Variants in LYPD4 observed in about 807,000 individuals in gnomAD.
LYPD4 encodes the protein ly6/PLAUR domain-containing protein 4.
LYPD4 carries 20 observed loss-of-function variants against 18.2 expected under a neutral mutation model. The ratio of observed to expected loss-of-function variants is 1.10; its 90% CI spans 0.77 to 1.59. LYPD4 has a LOEUF of 1.59. Among genes scored for constraint, LYPD4 ranks in the 40% most tolerant of loss-of-function variants. The pLI, the probability that LYPD4 is intolerant of heterozygous loss-of-function variation, is 0.00. For missense variants in LYPD4, 278 were observed against 300.3 expected, an observed-to-expected ratio of 0.93 and a Z score of 0.55; for synonymous variants, 111 against 118.3, an observed-to-expected ratio of 0.94 and a Z score of 0.40.
chr19:41,841,472 C>T (rs2073588284), intron 1 of LYPD4, among the ~76,000 whole-genome samples: 1 of 151,860 alleles, frequency 6.6e-6, no homozygotes, highest in Admixed American at 6.6e-5. Context: ...TCGCGACCAG[C>T]CTGGCCAACA....
At chr19:41,836,879 A>G (rs2073383174), downstream of LYPD4, among the ~76,000 whole-genome samples, 1 of 152,114 alleles carries the variant, frequency 6.6e-6, no homozygotes, top group South Asian at 2.1e-4. Flanking sequence ...CCTGATTAGT[A>G]GCTGAACCCA....
Position 41,838,074 on chromosome 19 carries a change from CTT to C in LYPD4, c.397_398del (p.Lys133ValfsTer8), listed in dbSNP as rs1555831223. On this transcript the variant is annotated frameshift_variant, in exon 4 of 5. Transcript: ENST00000609812. LOFTEE classifies it high-confidence loss of function. ...AGCTACAGGACGCAGATGTGATAGA[CTT>C]AGGAGTGCTGGCCTTGAGTTTCACA... Reference protein sequence around the residue: ...PFVKLKASTPKSITSASCSCP... With the variant: ...PFVKLKASTPXSITSASCSCP... 3 of 1,614,000 alleles carry C rather than the reference CTT, an allele frequency of 1.9e-6. No homozygotes were observed. In the African/African-American group the frequency reaches 4.0e-5, roughly 22 times the overall value.
intron 1 of LYPD4, among the ~76,000 whole-genome samples, chr19:41,842,764 CA>C (rs782233081): frequency 0.01 from 501 of 49,612 alleles, no homozygotes; most frequent in African/African-American, 0.039. Context: ...TCCGTCTAAA[CA>C]AAAAAAAAAA....
intron 1 of LYPD4, 176 bp from the exon 2 acceptor site, chr19:41,839,581 G>A (rs372288679): frequency 2.2e-6 from 1 of 444,982 alleles, no homozygotes; most frequent in African/African-American, 2.0e-5. Flanking sequence ...ATTGGACAAG[G>A]TGCTGAGCAG....
At chr19:41,838,758 C>CATAT (rs782157119) in intron 3 of LYPD4, 123 bp downstream of exon 3, 10 of 438,334 alleles carry the variant, frequency 2.3e-5, no homozygotes, top group African/African-American at 1.3e-4. Context: ...AATATATATA[C>CATAT]ATATATATAT....
chr19:41,838,158 G>T lies in LYPD4; in HGVS notation c.315C>A (p.Ser105=). 1.2e-6 allele frequency: 2 copies of T among 1,611,704 alleles called. No homozygotes were observed. The highest frequency in any genetic ancestry group is 1.7e-6 in the Non-Finnish European group (2 of 1,178,190). Residue 105 remains serine (S), a synonymous_variant, in exon 4 of 5, where the codon TCC becomes TCA. Coordinates refer to ENST00000609812, the MANE Select transcript of LYPD4 (RefSeq NM_173506.7). ...GATAAGACCGGCAGACGCGACTGTA[G>T]GAGGCAATGGACACTCCGGGTGGGG... ...LVSPPGVSIA[S]YSRVCRSYLC... is the part of the protein sequence containing the mutation.
chr19:41,837,181 C>T lies in LYPD4; in HGVS notation c.703G>A (p.Gly235Ser), dbSNP rs963682955. 2 of 1,613,812 alleles carry T rather than the reference C, an allele frequency of 1.2e-6. No homozygotes were observed. Among genetic ancestry groups the T allele is most frequent in the South Asian group, 1.1e-5 (1 of 91,082 alleles). ...GCAAACAGGAGGCCTAAGACGACAC[C>T]CCAAGCAGGATCTTGCCTGGAGGAT... ...AASSRQDPAW[G>S]VVLGLLFAFR... Residue 235 changes from glycine (G) to serine (S), a missense_variant, in exon 5 of 5, where the codon GGT (glycine) becomes AGT (serine). Physicochemically the swap from Gly to Ser is moderately conservative, Grantham distance 56. Transcript: ENST00000609812.
Position 41,837,283 on chromosome 19 carries a change from C to G in LYPD4, c.601G>C (p.Asp201His). The change falls in exon 5 of 5, where the codon GAT becomes CAT. Residue 201 changes from aspartate (D) to histidine (H), a missense_variant. Asp to His is a moderately conservative substitution (Grantham distance 81, BLOSUM62 -1). Coordinates refer to ENST00000609812, the MANE Select transcript of LYPD4 (RefSeq NM_173506.7). ...CAREHNQLLA[D>H]FHHIGSIKVT... The stretch of plus-strand genomic sequence containing the variant: ...TTGATGCTCCCAATATGATGAAAAT[C>G]TGCTAAAAGCTGGTTATGTTCACGA... 1 of 1,614,034 alleles carries G rather than the reference C, an allele frequency of 6.2e-7. No homozygotes were observed. Among genetic ancestry groups the G allele is most frequent in the South Asian group, 1.1e-5 (1 of 91,084 alleles).
At position 41,838,202 on chromosome 19, in the gene LYPD4, GCGCAGGGTAAGA is replaced by G; in HGVS notation, c.259_270del (p.Ser87_Ala90del). Reference sequence around the variant, plus strand: ...GGTGGGGAAACAAGGTAGGAGATTTGCGCAGGGTAAGACGAAGACGAGCTGCAGCCTTTAAAG... The same window carrying G: ...GGTGGGGAAACAAGGTAGGAGATTTGCGAAGACGAGCTGCAGCCTTTAAAG... On this transcript the variant is annotated inframe_deletion, in exon 4 of 5. Transcript: ENST00000609812. 6.3e-7 allele frequency: 1 copy of G among 1,584,888 alleles called. No individual in the cohort carries two copies. Among genetic ancestry groups the G allele is most frequent in the Non-Finnish European group, 8.6e-7 (1 of 1,163,930 alleles).
chr19:41,838,868 T>TA lies in LYPD4; in HGVS notation c.211+12dup, dbSNP rs782311545. The TA allele has an allele frequency of 1.2e-6, 2 of 1,613,360 alleles. No homozygotes were observed. Among genetic ancestry groups the TA allele is most frequent in the African/African-American group, 1.3e-5 (1 of 74,818 alleles). The stretch of plus-strand genomic sequence containing the variant: ...CAAGCAAAACGAAATTGATCAAACT[T>TA]AGACTGCTTCACCTGTCTCAATGAA... On this transcript the variant is annotated intron_variant, in intron 3 of 4. Transcript: ENST00000609812.
rs782583817 is a variant in LYPD4 at position 41,837,957 on chromosome 19, A to T, written c.516T>A (p.Ser172Arg). 6.2e-7 allele frequency: 1 copy of T among 1,610,134 alleles called. No individual in the cohort carries two copies. The highest frequency in any genetic ancestry group is 8.5e-7 in the Non-Finnish European group (1 of 1,177,246). Reference sequence around the variant, plus strand: ...CACCTGCCTGAAATTTTAAGGTGGAACTGTAACACGTAGAAGCAGCCAAGG... The same window carrying T: ...CACCTGCCTGAAATTTTAAGGTGGATCTGTAACACGTAGAAGCAGCCAAGG... ...SCPLAASTCY[S>R]STLKFQAGFL... Residue 172 changes from serine to arginine, a missense_variant, in exon 4 of 5, where the codon AGT becomes AGA. Ser to Arg is a moderately radical substitution (Grantham distance 110). Transcript: ENST00000609812.
chr19:41,837,124 G>T lies in LYPD4; in HGVS notation c.*19C>A, dbSNP rs377202934. On this transcript the variant is annotated 3_prime_UTR_variant, in exon 5 of 5. Coordinates refer to ENST00000609812, the MANE Select transcript of LYPD4 (RefSeq NM_173506.7). Reference sequence around the variant, plus strand: ...GTTATGTGAAAGAGTCTGGGTGCTTGTCGGGTGCAGCTAGATGGTCAGTCC... The same window carrying T: ...GTTATGTGAAAGAGTCTGGGTGCTTTTCGGGTGCAGCTAGATGGTCAGTCC... The T allele has an allele frequency of 6.2e-4, 1,003 of 1,613,424 alleles. No homozygotes were observed. The highest frequency in any genetic ancestry group is 7.8e-4 in the Non-Finnish European group (925 of 1,179,808).
chr19:41,837,183 C>G lies in LYPD4; in HGVS notation c.701G>C (p.Trp234Ser). Residue 234 changes from tryptophan (W) to serine (S), a missense_variant, in exon 5 of 5, where the codon TGG becomes TCG. Trp to Ser is a radical substitution (Grantham distance 177). Coordinates refer to ENST00000609812, the MANE Select transcript of LYPD4 (RefSeq NM_173506.7). ...AAACAGGAGGCCTAAGACGACACCC[C>G]AAGCAGGATCTTGCCTGGAGGATGC... is the stretch of plus-strand genomic sequence containing the variant. ...GAASSRQDPAWGVVLGLLFAF... is the reference protein window; with the variant it reads ...GAASSRQDPASGVVLGLLFAF... 1 of 1,613,998 alleles carries G rather than the reference C, an allele frequency of 6.2e-7. No individual in the cohort carries two copies. The highest frequency in any genetic ancestry group is 8.5e-7 in the Non-Finnish European group (1 of 1,179,916).
chr19:41,843,891 A>AGTGAATTTGCTTGAG lies in LYPD4; in HGVS notation c.-435_-434insCTCAAGCAAATTCAC, dbSNP rs1180792558. 1 of 121,374 alleles carries AGTGAATTTGCTTGAG rather than the reference A, an allele frequency of 8.2e-6. No homozygotes were observed. The highest frequency in any genetic ancestry group is 1.7e-5 in the Non-Finnish European group (1 of 58,402). The allele number at this position is 121,374 out of a possible 1,614,324, so 7.5% of individuals were successfully genotyped here. On this transcript the variant is annotated 5_prime_UTR_variant, in exon 1 of 5. Coordinates refer to ENST00000609812, the MANE Select transcript of LYPD4 (RefSeq NM_173506.7). ...TGGAGACGCAACCAGAAAAGATTGA[A>AGTGAATTTGCTTGAG]GTGAAATCCTCAAGCAAAAAAAAAA...
chr19:41,838,805 T>A (rs547308984), intron 3 of LYPD4, 76 bp downstream of exon 3: 311 of 1,382,854 alleles, frequency 2.2e-4, no homozygotes, highest in Non-Finnish European at 2.4e-4. Context: ...TAATCTACAG[T>A]CCCTCGGTGC....
chr19:41,844,829 A>C (rs1555835017), upstream of LYPD4: 1 of 152,404 alleles, frequency 6.6e-6, no homozygotes, highest in Non-Finnish European at 1.5e-5. Context: ...AGGGAGAGGC[A>C]GCGGTGGCGC....
chr19:41,835,630 G>T, downstream of LYPD4: 1 of 216,320 alleles, frequency 4.6e-6, no homozygotes, highest in Non-Finnish European at 7.9e-6. Flanking sequence ...TCGTAGGCTC[G>T]CTGGTCTCCA....
chr19:41,836,329 A>AAAAAAAAAAAAAAAAG, downstream of LYPD4, among the ~76,000 whole-genome samples: 1 of 126,938 alleles, frequency 7.9e-6, no homozygotes, highest in African/African-American at 3.0e-5. Flanking sequence ...AAAAAAAAAC[A>AAAAAAAAAAAAAAAAG]ACTACTGAGC....
At chr19:41,842,869 T>C (rs1237099010) in intron 1 of LYPD4, among the ~76,000 whole-genome samples, 1 of 132,396 alleles carries the variant, frequency 7.6e-6, no homozygotes. Flanking sequence ...TTATTACAAA[T>C]AGTATATAAC....
Sources: allele counts gnomAD v4.1 joint callset (sites outside exome capture counted in the v4.1 genomes callset), GRCh38; gene constraint gnomAD v4.1.1; transcripts MANE v1.5; gene names NCBI Gene and HGNC (gene_info 2026-07-23, HGNC 2026-07-21).